LIPC: variants seen among roughly 807,000 people sequenced by gnomAD.
LIPC encodes hepatic triacylglycerol lipase.
A neutral mutation model predicts 50.7 loss-of-function variants in LIPC; 44 were observed. That is an observed-to-expected ratio of 0.87 (90% CI 0.68 to 1.11). The LOEUF (loss-of-function observed/expected upper bound fraction) is 1.11, where lower values mean the gene tolerates loss of function less well. Among genes scored for constraint, LIPC ranks in the 50% most tolerant of loss-of-function variants. The pLI is 0.00. For synonymous variants in LIPC, 271 were observed against 256.4 expected, an observed-to-expected ratio of 1.06 and a Z score of -0.54; for missense variants, 697 against 648.2, an observed-to-expected ratio of 1.08 and a Z score of -0.82.
chr15:58,480,345 A>T (rs1891143250), intron 1 of LIPC, among the ~76,000 whole-genome samples: 1 of 152,184 alleles, frequency 6.6e-6, no homozygotes, highest in Non-Finnish European at 1.5e-5. Flanking sequence ...CCCAAGCTGG[A>T]GAGCAGCGGC....
At chr15:58,555,360 G>C (rs1893902789) in intron 6 of LIPC, among the ~76,000 whole-genome samples, 2 of 152,194 alleles carry the variant, frequency 1.3e-5, no homozygotes, top group African/African-American at 4.8e-5. Context: ...GGTCAGAGCT[G>C]GCAGGCAGTT....
intron 1 of LIPC, among the ~76,000 whole-genome samples, chr15:58,536,077 A>G (rs1218638354): frequency 6.6e-6 from 1 of 152,140 alleles, no homozygotes; most frequent in Non-Finnish European, 1.5e-5. Flanking sequence ...TAAATAAATC[A>G]CCCCGCTGCA....
At chr15:58,494,055 G>A (rs1261607193) in intron 1 of LIPC, among the ~76,000 whole-genome samples, 1 of 152,224 alleles carries the variant, frequency 6.6e-6, no homozygotes, top group East Asian at 1.9e-4. Context: ...CTCATGAGGA[G>A]ATTGGCAGGC....
In LIPC at chr15:58,560,093, G is replaced by A. The variant is rs937408068; in HGVS notation, c.1052-771G>A. Among the ~76,000 whole-genome samples the A allele has an allele frequency of 2.6e-5, 4 of 152,186 alleles. No homozygotes were observed. The East Asian group carries it at 5.8e-4, about 22-fold the overall frequency. On this transcript the variant is annotated intron_variant, in intron 6 of 8. Transcript: ENST00000299022. ...GCAATGCATTCAACAATGCAAAAAT[G>A]TATTATCATTTAACGATGCCATGTA...
chr15:58,515,256 T>C (rs1892449732), intron 1 of LIPC, among the ~76,000 whole-genome samples: 10 of 152,192 alleles, frequency 6.6e-5, no homozygotes, highest in Admixed American at 6.5e-4. Flanking sequence ...ATATTCTAGG[T>C]TCTGGGGATT....
intron 1 of LIPC, among the ~76,000 whole-genome samples, chr15:58,518,592 G>A (rs1411056973): frequency 6.6e-6 from 1 of 152,200 alleles, no homozygotes; most frequent in Non-Finnish European, 1.5e-5. Context: ...AACATTTCTG[G>A]AAGGCAACAC....
chr15:58,438,936 A>T (rs1222778967), intron 1 of LIPC, among the ~76,000 whole-genome samples: 1 of 152,224 alleles, frequency 6.6e-6, no homozygotes, highest in Non-Finnish European at 1.5e-5. Context: ...GCATGGGGAA[A>T]AAGTGAAGAG....
intron 1 of LIPC, among the ~76,000 whole-genome samples, chr15:58,461,882 A>T (rs1894361603): frequency 6.7e-6 from 1 of 150,184 alleles, no homozygotes. Context: ...AAACTTTCAC[A>T]CCTTACTCTG....
intron 8 of LIPC, among the ~76,000 whole-genome samples, chr15:58,567,606 T>C (rs1894436704): frequency 6.6e-6 from 1 of 151,956 alleles, no homozygotes; most frequent in African/African-American, 2.4e-5. Flanking sequence ...TAGTAAACTC[T>C]TGAGAAAATC....
At chr15:58,454,229 T>A (rs749514726) in intron 1 of LIPC, 14 of 152,220 alleles carry the variant, frequency 9.2e-5, no homozygotes, top group Admixed American at 3.9e-4. Context: ...ATAGCTTGTC[T>A]CCAAGGCCAC....
intron 1 of LIPC, among the ~76,000 whole-genome samples, chr15:58,537,888 T>C (rs1017277652): frequency 6.6e-6 from 1 of 152,182 alleles, no homozygotes; most frequent in Non-Finnish European, 1.5e-5. Flanking sequence ...ATACATAGTG[T>C]CACCCAGCTA....
intron 8 of LIPC, chr15:58,565,398 A>G: frequency 6.8e-7 from 1 of 1,479,026 alleles, no homozygotes; most frequent in East Asian, 2.5e-5. Context: ...GCACAACACT[A>G]CCTTCTCCAC....
intron 8 of LIPC, chr15:58,566,065 T>C (rs1211647068): frequency 4.1e-6 from 4 of 980,976 alleles, no homozygotes; most frequent in Admixed American, 6.1e-5. Flanking sequence ...CTGGGAATCA[T>C]GTTAAAATGC....
chr15:58,461,540 C>G (rs1894348168), intron 1 of LIPC, among the ~76,000 whole-genome samples: 1 of 152,014 alleles, frequency 6.6e-6, no homozygotes, highest in African/African-American at 2.4e-5. Flanking sequence ...TCCCGATTAG[C>G]TGGGATTACT....
chr15:58,567,222 T>C (rs1296222376), intron 8 of LIPC, among the ~76,000 whole-genome samples: 1 of 129,142 alleles, frequency 7.7e-6, no homozygotes, highest in African/African-American at 2.9e-5. Flanking sequence ...AAAATATATA[T>C]ATATATATGT....
At chr15:58,442,025 T>C (rs1403292209) in intron 1 of LIPC, among the ~76,000 whole-genome samples, 1 of 152,182 alleles carries the variant, frequency 6.6e-6, no homozygotes, top group Non-Finnish European at 1.5e-5. Flanking sequence ...GTGCTGTGTT[T>C]TCGTGTAGTC....
chr15:58,472,617 C>T (rs1322850262), intron 1 of LIPC, among the ~76,000 whole-genome samples: 1 of 150,704 alleles, frequency 6.6e-6, no homozygotes, highest in African/African-American at 2.4e-5. Context: ...CCTCAAGGGG[C>T]TCACAGCCTG....
intron 6 of LIPC, among the ~76,000 whole-genome samples, chr15:58,553,111 G>A (rs888649164): frequency 5.9e-5 from 9 of 152,180 alleles, no homozygotes; most frequent in African/African-American, 2.2e-4. Flanking sequence ...AGGCTATGTG[G>A]TCTCCAGATC....
chr15:58,532,736 A>G (rs1892996720), intron 1 of LIPC, among the ~76,000 whole-genome samples: 1 of 152,194 alleles, frequency 6.6e-6, no homozygotes, highest in Non-Finnish European at 1.5e-5. Flanking sequence ...CTCCTATGGT[A>G]GAATCCCTGG....
Sources: allele counts gnomAD v4.1 joint callset (sites outside exome capture counted in the v4.1 genomes callset), GRCh38; gene constraint gnomAD v4.1.1; transcripts MANE v1.5; gene names NCBI Gene and HGNC (gene_info 2026-07-23, HGNC 2026-07-21).